ZNF423: variants seen among roughly 807,000 people sequenced by gnomAD.
The protein encoded by ZNF423 is zinc finger protein 423, also known as Ebf-associated zinc finger protein.
In ZNF423, 12 loss-of-function variants were observed where a neutral mutation model predicts 95.8. The observed-to-expected ratio is 0.13, with a 90% confidence interval of 0.08 to 0.20. The LOEUF is 0.20. Among genes scored for constraint, ZNF423 ranks in the 10% least tolerant of loss-of-function variants. The pLI, the probability that ZNF423 is intolerant of heterozygous loss-of-function variation, is 1.00. For missense variants in ZNF423, 1,316 were observed against 1,737.1 expected (o/e 0.76, Z 4.31); for synonymous variants, 749 against 711.9 (o/e 1.05, Z -0.83).
intron 4 of ZNF423, among the ~76,000 whole-genome samples, chr16:49,632,330 C>T (rs1351523258): frequency 1.3e-5 from 2 of 152,192 alleles, no homozygotes; most frequent in Admixed American, 6.5e-5. Flanking sequence ...GTGAAACCCC[C>T]AGAGTCTGTT....
intron 3 of ZNF423, among the ~76,000 whole-genome samples, chr16:49,674,871 C>T (rs2030979827): frequency 6.6e-6 from 1 of 152,100 alleles, no homozygotes. Flanking sequence ...GAGTCCCAGC[C>T]CTTCCCCTCC....
intron 5 of ZNF423, among the ~76,000 whole-genome samples, chr16:49,622,654 C>T (rs1421132764): frequency 6.6e-6 from 1 of 152,224 alleles, no homozygotes; most frequent in Non-Finnish European, 1.5e-5. Context: ...CCTGAGGTCT[C>T]TCCCACCACA....
chr16:49,746,092 G>A (rs1161658993), intron 2 of ZNF423, among the ~76,000 whole-genome samples: 3 of 152,082 alleles, frequency 2.0e-5, no homozygotes, highest in East Asian at 1.9e-4. Flanking sequence ...TCCTCTCCCC[G>A]AGCCTCAGTT....
chr16:49,707,142 T>C (rs533318238), intron 3 of ZNF423, among the ~76,000 whole-genome samples: 1 of 151,988 alleles, frequency 6.6e-6, no homozygotes, highest in South Asian at 2.1e-4. Flanking sequence ...CACCGCTCCC[T>C]GGGTACCTAC....
chr16:49,699,280 T>G (rs1392384192), intron 3 of ZNF423, among the ~76,000 whole-genome samples: 1 of 152,058 alleles, frequency 6.6e-6, no homozygotes, highest in African/African-American at 2.4e-5. Context: ...GAGCTGTAAC[T>G]CTAATAAAGG....
intron 3 of ZNF423, among the ~76,000 whole-genome samples, chr16:49,682,916 CT>C (rs202241215): frequency 0.011 from 1,721 of 152,306 alleles, 16 homozygotes; most frequent in Middle Eastern, 0.037. Context: ...GGAGACGCCC[CT>C]ACCACAACCA....
intron 3 of ZNF423, among the ~76,000 whole-genome samples, chr16:49,656,121 G>A (rs2029875709): frequency 6.6e-6 from 1 of 152,150 alleles, no homozygotes; most frequent in African/African-American, 2.4e-5. Context: ...CCACGTTGGG[G>A]CAGTGTAGGT....
intron 3 of ZNF423, among the ~76,000 whole-genome samples, chr16:49,679,798 G>T (rs2031274745): frequency 6.6e-6 from 1 of 152,236 alleles, no homozygotes; most frequent in Admixed American, 6.5e-5. Context: ...TGGGGTCTGG[G>T]CTGTCAGTTC....
chr16:49,730,940 C>A lies in ZNF423; in HGVS notation c.132G>T (p.Gln44His). The stretch of plus-strand genomic sequence containing the variant: ...TGTCTTCCAGCGCACGGCTGGTTTT[C>A]TGATCGCACTCTGGCTCTCCTTCTA... ...GGLEGEPECD[Q>H]KTSRALEDRN... The change falls in exon 3 of 8, where the codon CAG (glutamine) becomes CAT (histidine). Residue 44 changes from glutamine to histidine, a missense_variant. Coordinates refer to ENST00000563137, the MANE Select transcript of ZNF423 (RefSeq NM_001379286.1). 1.2e-6 allele frequency: 2 copies of A among 1,614,230 alleles called. No homozygotes were observed. The highest frequency in any genetic ancestry group is 1.7e-6 in the Non-Finnish European group (2 of 1,180,044).
intron 3 of ZNF423, among the ~76,000 whole-genome samples, chr16:49,730,178 A>C (rs568382954): frequency 5.4e-4 from 82 of 152,298 alleles, no homozygotes; most frequent in Admixed American, 2.5e-3. Context: ...AGTAGCTCCT[A>C]GAAAACTGGT....
intron 3 of ZNF423, among the ~76,000 whole-genome samples, chr16:49,640,379 T>C (rs890694771): frequency 2.6e-5 from 4 of 152,054 alleles, no homozygotes; most frequent in African/African-American, 9.7e-5. Flanking sequence ...CAAACTTAAA[T>C]ATACATGCAC....
chr16:49,556,760 CA>C (rs1333923571), intron 5 of ZNF423, among the ~76,000 whole-genome samples: 1 of 152,184 alleles, frequency 6.6e-6, no homozygotes, highest in East Asian at 1.9e-4. Context: ...CTGTATAACT[CA>C]AAAATTATAA....
intron 1 of ZNF423, among the ~76,000 whole-genome samples, chr16:49,848,568 C>T (rs539903989): frequency 1.3e-5 from 2 of 152,270 alleles, no homozygotes; most frequent in African/African-American, 4.8e-5. Context: ...GCCCCAGCAC[C>T]CCCATTATCT....
intron 2 of ZNF423, among the ~76,000 whole-genome samples, chr16:49,734,637 C>A (rs544162239): frequency 2.0e-5 from 3 of 152,280 alleles, no homozygotes; most frequent in African/African-American, 7.2e-5. Flanking sequence ...AAGGCCCGAG[C>A]CAAATGGATT....
chr16:49,657,720 T>C (rs2029959188), intron 3 of ZNF423, among the ~76,000 whole-genome samples: 1 of 152,200 alleles, frequency 6.6e-6, no homozygotes, highest in Admixed American at 6.5e-5. Flanking sequence ...CCTGGCCCTG[T>C]CTCCTCCGTC....
chr16:49,508,513 T>TAAAAA (rs35061120), intron 7 of ZNF423, among the ~76,000 whole-genome samples: 28 of 101,858 alleles, frequency 2.7e-4, no homozygotes, highest in African/African-American at 1.0e-3. Flanking sequence ...TTCTCTTTCT[T>TAAAAA]AAAAAAAAAA....
At chr16:49,687,732 GGTTCCGTCCTGCTGCGGCTCCT>G (rs910835408) in intron 3 of ZNF423, among the ~76,000 whole-genome samples, 3 of 152,310 alleles carry the variant, frequency 2.0e-5, no homozygotes, top group Admixed American at 2.0e-4. Flanking sequence ...AAGGCCACCA[GGTTCCGTCCTGCTGCGGCTCCT>G]GTTTCCACAG....
rs1966878067 is a variant in ZNF423, at chr16:49,488,676, T to A, written c.*2599A>T. 6.6e-6 allele frequency: 1 copy of A among 152,236 alleles called. No homozygotes were observed. The highest frequency in any genetic ancestry group is 6.5e-5 in the Admixed American group (1 of 15,282). The allele number at this position is 152,236 out of a possible 1,614,324, so 9.4% of individuals were successfully genotyped here. A position where few individuals can be genotyped will look rare whatever the true frequency, so the allele number is the denominator to read the frequency against. ...CCTCCCAGAGACCCTCTAAGGCCCC[T>A]CACAGTTGAAAGGCAAGTGTCTCAT... On this transcript the variant is annotated 3_prime_UTR_variant, in exon 8 of 8. Coordinates refer to ENST00000563137, the MANE Select transcript of ZNF423 (RefSeq NM_001379286.1).
intron 2 of ZNF423, among the ~76,000 whole-genome samples, chr16:49,763,341 C>T (rs143440613): frequency 0.027 from 4,093 of 150,096 alleles, 204 homozygotes; most frequent in African/African-American, 0.097. Context: ...TGCAGTGGAA[C>T]AATCATGGCT....
Sources: gnomAD v4.1 joint callset for allele counts (sites outside exome capture counted in the v4.1 genomes callset) on GRCh38, gnomAD v4.1.1 for gene constraint, MANE v1.5 for transcripts, NCBI Gene and HGNC (gene_info 2026-07-23, HGNC 2026-07-21) for gene names.